Variants in A2ML1 observed in about 807,000 individuals in gnomAD.
A2ML1 encodes alpha-2-macroglobulin like 1.
Under a neutral mutation model 181.9 loss-of-function variants are expected in A2ML1, and 161 were observed. The observed-to-expected ratio is 0.89, with a 90% CI of 0.78 to 1.01. The LOEUF (loss-of-function observed/expected upper bound fraction) is 1.01. A2ML1 is among the 50% of genes least tolerant of loss of function. A2ML1 has a pLI of 0.00. For synonymous variants in A2ML1, 663 were observed against 666.8 expected, an observed-to-expected ratio of 0.99 and a Z score of 0.09; for missense variants, 1,670 against 1,768.1, an observed-to-expected ratio of 0.94 and a Z score of 1.00.
chr12:8,842,874 A>G (rs1943537924), intron 11 of A2ML1, among the ~76,000 whole-genome samples: 1 of 152,186 alleles, frequency 6.6e-6, no homozygotes, highest in Non-Finnish European at 1.5e-5. Flanking sequence ...GTGAAGATAC[A>G]TCACCCACAA....
rs765372447 is a variant in A2ML1 at position 8,838,404 on chromosome 12, C to T, written c.924C>T (p.Tyr308=). The part of the protein sequence containing the change: ...MATFDLIGYA[Y]SHQINIVATV... ...CCTTTGACCTCATTGGATATGCGTA[C>T]AGCCATCAAATCAATATTGTGGCTA... The change falls in exon 9 of 36, where the codon TAC becomes TAT. Residue 308 remains tyrosine (Y), a synonymous_variant. Coordinates refer to ENST00000299698, the MANE Select transcript of A2ML1 (RefSeq NM_144670.6). 32 of 1,613,858 alleles carry T rather than the reference C, an allele frequency of 2.0e-5. No individual in the cohort carries two copies. The highest frequency in any genetic ancestry group is 2.6e-5 in the Non-Finnish European group (31 of 1,179,956).
At chr12:8,839,057 G>A (rs778471729) in intron 9 of A2ML1, 56 bp from the exon 10 acceptor site, 15 of 1,193,354 alleles carry the variant, frequency 1.3e-5, no homozygotes, top group Admixed American at 4.3e-5. Context: ...GACATTAAAC[G>A]TGAAGATGAG....
At chr12:8,867,125 A>C (rs1480634656) in intron 29 of A2ML1, among the ~76,000 whole-genome samples, 1 of 152,230 alleles carries the variant, frequency 6.6e-6, no homozygotes, top group Non-Finnish European at 1.5e-5. Flanking sequence ...GTCATGTAGA[A>C]GATCATTACA....
chr12:8,858,552 C>A (rs1177016638), intron 26 of A2ML1, among the ~76,000 whole-genome samples: 3 of 152,108 alleles, frequency 2.0e-5, no homozygotes, highest in Admixed American at 1.3e-4. Context: ...CACCACTGCA[C>A]CCCAACCTGG....
chr12:8,841,619 C>A, intron 11 of A2ML1, 83 bp downstream of exon 11: 1 of 1,380,662 alleles, frequency 7.2e-7, no homozygotes, highest in Non-Finnish European at 9.9e-7. Context: ...TTCCTATTCT[C>A]CCCTCTGCTT....
At chr12:8,850,682 T>G (rs1231046827) in intron 18 of A2ML1, among the ~76,000 whole-genome samples, 1 of 152,196 alleles carries the variant, frequency 6.6e-6, no homozygotes, top group Non-Finnish European at 1.5e-5. Flanking sequence ...TGGATCTAAA[T>G]CTTAAGCAAA....
At chr12:8,839,371 C>A (rs1943392302) in intron 10 of A2ML1, 149 bp downstream of exon 10, 1 of 548,258 alleles carries the variant, frequency 1.8e-6, no homozygotes, top group Non-Finnish European at 3.2e-6. Flanking sequence ...TGCAATGAGG[C>A]AGGCACTGTA....
intron 12 of A2ML1, among the ~76,000 whole-genome samples, chr12:8,843,725 T>TC (rs1943569455): frequency 6.7e-6 from 1 of 150,066 alleles, no homozygotes; most frequent in South Asian, 2.1e-4. Context: ...TTTTTTCTTT[T>TC]TTTTTTTTTT....
intron 2 of A2ML1, 93 bp downstream of exon 2, chr12:8,823,458 T>C (rs1255670550): frequency 3.6e-6 from 5 of 1,408,394 alleles, no homozygotes; most frequent in Middle Eastern, 2.4e-4. Flanking sequence ...ATTTCTGTTA[T>C]CTTTTGCCAC....
In A2ML1 at chr12:8,882,008, C is replaced by T. The variant is rs753824803; in HGVS notation, c.*94+1392C>T. Among the ~76,000 whole-genome samples, 6 of 148,068 alleles carry T rather than the reference C, an allele frequency of 4.1e-5. No homozygotes were observed. The South Asian group carries it at 1.3e-3, about 32-fold the overall frequency. On this transcript the variant is annotated intron_variant and NMD_transcript_variant, in intron 7 of 7. Coordinates refer to the A2ML1 transcript ENST00000537475. ...CCTGGGCGACAGAGCGAGACTCTGT[C>T]TCAAAAAAAAAAAAGAAAAAAGTTT...
intron 29 of A2ML1, 53 bp from the exon 30 acceptor site, chr12:8,867,789 T>C: frequency 2.0e-6 from 3 of 1,527,254 alleles, no homozygotes; most frequent in Non-Finnish European, 2.7e-6. Context: ...TTGTTCAAGG[T>C]TAATTCCAAT....
chr12:8,838,090 CCAGTAAGGTA>C (rs1943348361), intron 8 of A2ML1, among the ~76,000 whole-genome samples: 1 of 152,104 alleles, frequency 6.6e-6, no homozygotes, highest in Non-Finnish European at 1.5e-5. Context: ...GACCTAAACC[CCAGTAAGGTA>C]CAATTTTCCA....
intron 35 of A2ML1, 39 bp downstream of exon 35, chr12:8,875,051 G>T (rs1409579787): frequency 1.2e-6 from 2 of 1,603,346 alleles, no homozygotes; most frequent in Non-Finnish European, 1.7e-6. Flanking sequence ...TATGGGTTAG[G>T]GTGGCAGAAG....
intron 15 of A2ML1, among the ~76,000 whole-genome samples, 197 bp from the exon 16 acceptor site, chr12:8,848,523 T>C (rs1207779006): frequency 2.0e-5 from 3 of 151,338 alleles, no homozygotes; most frequent in Middle Eastern, 3.2e-3. Context: ...GATAGGATTA[T>C]GAAAAAATAG....
Position 8,862,510 on chromosome 12 carries a change from T to C in A2ML1, c.3502+1213T>C, listed in dbSNP as rs1394913926. ...GCCATTGCACCTGGCCTGGACCACT[T>C]TAAATATATTTAGAATACTATTTGA... On this transcript the variant is annotated intron_variant, in intron 28 of 35. Coordinates refer to ENST00000299698, the MANE Select transcript of A2ML1 (RefSeq NM_144670.6). Among the ~76,000 whole-genome samples the C allele has an allele frequency of 3.3e-5, 5 of 152,216 alleles. No homozygotes were observed. The East Asian group carries it at 9.6e-4, about 29-fold the overall frequency.
intron 7 of A2ML1, among the ~76,000 whole-genome samples, chr12:8,884,884 T>G (rs1944906969): frequency 1.3e-5 from 2 of 152,264 alleles, no homozygotes; most frequent in South Asian, 2.1e-4. Flanking sequence ...TAGTATTCCG[T>G]GGTTTATATG....
chr12:8,875,458 C>T (rs1944771530), intron 35 of A2ML1: 1 of 150,952 alleles, frequency 6.6e-6, no homozygotes, highest in Admixed American at 6.5e-5. Flanking sequence ...TTTTTTTAAA[C>T]AGGATCTGGC....
intron 14 of A2ML1, among the ~76,000 whole-genome samples, chr12:8,846,611 G>A (rs771660814): frequency 6.6e-6 from 1 of 152,180 alleles, no homozygotes; most frequent in East Asian, 1.9e-4. Flanking sequence ...CCTGATGCTA[G>A]GAGTTCAAGA....
At chr12:8,881,577 C>G (rs1379985024), downstream of A2ML1, among the ~76,000 whole-genome samples, 2 of 152,160 alleles carry the variant, frequency 1.3e-5, no homozygotes, top group African/African-American at 2.4e-5. Context: ...TTCTTAATTG[C>G]CTTCCAGCAC....
Sources: allele counts gnomAD v4.1 joint callset (sites outside exome capture counted in the v4.1 genomes callset), GRCh38; gene constraint gnomAD v4.1.1; transcripts MANE v1.5; gene names NCBI Gene and HGNC (gene_info 2026-07-23, HGNC 2026-07-21).